The following ADGRF4 variants were observed in gnomAD, a reference collection of about 807,000 sequenced individuals.
The protein encoded by ADGRF4 is adhesion G protein-coupled receptor F4.
In ADGRF4, 63 loss-of-function variants were observed where a neutral mutation model predicts 58.5. That is an observed-to-expected ratio of 1.08 (90% CI 0.88 to 1.33). The LOEUF is 1.33. Ranked by LOEUF, ADGRF4 falls within the 40% of genes most tolerant of loss-of-function variation. The pLI is 0.00. For missense variants in ADGRF4, 931 were observed against 843.9 expected, an observed-to-expected ratio of 1.10 and a Z score of -1.28; for synonymous variants, 313 against 295.4, an observed-to-expected ratio of 1.06 and a Z score of -0.61.
Position 47,714,378 on chromosome 6 carries a change from G to A in ADGRF4, c.1133G>A (p.Cys378Tyr). Residue 378 changes from cysteine (C) to tyrosine (Y), a missense_variant, in exon 6 of 10, where the codon TGT becomes TAT. By Grantham distance (194) the Cys-to-Tyr change is radical. Transcript: ENST00000283303. ...LDIRNEVKCR[C>Y]NYTSVVMSFS... ...ATCAGGAACGAAGTGAAATGCCGCT[G>A]TAACTACACCAGTGTGGTGATGTCT... 1 of 1,614,198 alleles carries A rather than the reference G, an allele frequency of 6.2e-7. No individual in the cohort carries two copies. The highest frequency in any genetic ancestry group is 8.5e-7 in the Non-Finnish European group (1 of 1,180,028).
chr6:47,710,781 C>G lies in ADGRF4; in HGVS notation c.195C>G (p.Pro65=), dbSNP rs1468777097. The change falls in exon 4 of 10, where the codon CCC becomes CCG. Residue 65 remains proline, a synonymous_variant. Transcript: ENST00000283303. ...PCISSSNCSQ[P]CAKDFHGEIG... Reference sequence around the variant, plus strand: ...TTTCTTCTTCCAACTGCAGCCAGCCCTGTGCTAAGGACTTTCATGGAGAAA... The same window carrying G: ...TTTCTTCTTCCAACTGCAGCCAGCCGTGTGCTAAGGACTTTCATGGAGAAA... The G allele has an allele frequency of 1.2e-6, 2 of 1,612,714 alleles. No individual in the cohort carries two copies. The highest frequency in any genetic ancestry group is 2.7e-5 in the African/African-American group (2 of 74,902).
Position 47,707,342 on chromosome 6 carries a change from A to G in ADGRF4, c.93+4A>G. ...TAGATCCAAGATTCACCTAAAAGTAAGTTTGATCTATTCCTATGTGATCCG... is the reference window on the plus strand; with the variant it reads ...TAGATCCAAGATTCACCTAAAAGTAGGTTTGATCTATTCCTATGTGATCCG... On this transcript the variant is annotated splice_donor_region_variant and intron_variant, in intron 2 of 9. Transcript: ENST00000283303. 1.3e-6 allele frequency: 2 copies of G among 1,553,924 alleles called. No homozygotes were observed. Among genetic ancestry groups the G allele is most frequent in the Non-Finnish European group, 1.8e-6 (2 of 1,125,020 alleles).
chr6:47,706,208 G>T (rs999229391), intron 1 of ADGRF4, among the ~76,000 whole-genome samples: 3 of 152,162 alleles, frequency 2.0e-5, no homozygotes, highest in African/African-American at 4.8e-5. Context: ...CCATATGAAA[G>T]TGTCATAGTA....
intron 1 of ADGRF4, among the ~76,000 whole-genome samples, chr6:47,704,245 C>T (rs748100062): frequency 1.3e-5 from 2 of 151,950 alleles, no homozygotes; most frequent in African/African-American, 4.8e-5. Flanking sequence ...GGTTTCACCA[C>T]GTTGACCAGG....
At chr6:47,707,066 G>A (rs1771726216) in intron 1 of ADGRF4, among the ~76,000 whole-genome samples, 164 bp from the exon 2 acceptor site, 1 of 152,144 alleles carries the variant, frequency 6.6e-6, no homozygotes, top group African/African-American at 2.4e-5. Flanking sequence ...CATTTTAGCT[G>A]GCTTGAAAAT....
intron 1 of ADGRF4, among the ~76,000 whole-genome samples, chr6:47,704,323 ACCCGGCAGCAGGTGCT>A (rs1481394423): frequency 1.3e-5 from 2 of 151,812 alleles, no homozygotes; most frequent in Non-Finnish European, 2.9e-5. Context: ...GAGCCACTGC[ACCCGGCAGCAGGTGCT>A]ATTCTTTACA....
chr6:47,715,114 C>T lies in ADGRF4; in HGVS notation c.1869C>T (p.Ala623=). ...GACTGACCTGGGGTTTTGGAATAGC[C>T]ACTCTCATAGAAGGCACTTCCTTGA... is the stretch of plus-strand genomic sequence containing the variant. The part of the protein sequence containing the change: ...LLGLTWGFGI[A]TLIEGTSLTF... Residue 623 remains alanine, a synonymous_variant, in exon 6 of 10, where the codon GCC becomes GCT. Transcript: ENST00000283303. 1 of 1,605,858 alleles carries T rather than the reference C, an allele frequency of 6.2e-7. No homozygotes were observed.
chr6:47,700,695 T>C (rs1771570516), intron 1 of ADGRF4, among the ~76,000 whole-genome samples: 1 of 152,188 alleles, frequency 6.6e-6, no homozygotes, highest in African/African-American at 2.4e-5. Context: ...AGGTCCACAG[T>C]AGGACTGGCA....
At chr6:47,703,774 T>C (rs1184010890) in intron 1 of ADGRF4, among the ~76,000 whole-genome samples, 1 of 152,228 alleles carries the variant, frequency 6.6e-6, no homozygotes, top group Non-Finnish European at 1.5e-5. Flanking sequence ...TATGTACATA[T>C]ATGAAATGTA....
intron 3 of ADGRF4, among the ~76,000 whole-genome samples, chr6:47,708,821 A>G (rs995455170): frequency 6.6e-6 from 1 of 152,248 alleles, no homozygotes. Context: ...AATTATGGCC[A>G]GGTGGCAAAT....
At chr6:47,710,334 T>G (rs997511222) in intron 3 of ADGRF4, among the ~76,000 whole-genome samples, 1 of 152,196 alleles carries the variant, frequency 6.6e-6, no homozygotes, top group Non-Finnish European at 1.5e-5. Flanking sequence ...ACATAAAAGT[T>G]TATGGACTCC....
rs1280590143 is a variant in ADGRF4 at position 47,715,082 on chromosome 6, C to T, written c.1837C>T (p.Leu613=). The part of the protein sequence containing the change: ...ISKNVAILTP[L]LGLTWGFGIA... Reference sequence around the variant, plus strand: ...CAAAAATGTTGCCATCCTCACTCCACTGCTGGGACTGACCTGGGGTTTTGG... The same window carrying T: ...CAAAAATGTTGCCATCCTCACTCCATTGCTGGGACTGACCTGGGGTTTTGG... Residue 613 remains leucine (L), a synonymous_variant, in exon 6 of 10, where the codon CTG becomes TTG. Coordinates refer to ENST00000283303, the MANE Select transcript of ADGRF4 (RefSeq NM_153838.5). The T allele has an allele frequency of 6.2e-7, 1 of 1,612,520 alleles. No homozygotes were observed. The highest frequency in any genetic ancestry group is 8.5e-7 in the Non-Finnish European group (1 of 1,178,620).
rs1771846136 is a variant in ADGRF4, at chr6:47,710,887, G to T, written c.300+1G>T. 1 of 1,607,124 alleles carries T rather than the reference G, an allele frequency of 6.2e-7. No individual in the cohort carries two copies. Among genetic ancestry groups the T allele is most frequent in the Non-Finnish European group, 8.5e-7 (1 of 1,178,166 alleles). On this transcript the variant is annotated splice_donor_variant, in intron 4 of 9. Coordinates refer to ENST00000283303, the MANE Select transcript of ADGRF4 (RefSeq NM_153838.5). LOFTEE classifies it high-confidence loss of function. ...CCTTTCTGTGGAAAAACTCTTTAAG[G>T]TGATGCATTCACAAATTATTGGTGA...
chr6:47,715,343 G>T, intron 6 of ADGRF4, 166 bp downstream of exon 6: 1 of 578,698 alleles, frequency 1.7e-6, no homozygotes, highest in South Asian at 2.6e-5. Context: ...GTTGAATTTA[G>T]CTGACCAGGG....
In ADGRF4 at chr6:47,699,590, G is replaced by A. The variant is rs75349670; in HGVS notation, c.-17+796G>A. On this transcript the variant is annotated intron_variant, in intron 1 of 9. Coordinates refer to ENST00000283303, the MANE Select transcript of ADGRF4 (RefSeq NM_153838.5). The stretch of plus-strand genomic sequence containing the variant: ...ATCTGAATCCAGATTCCAATTTTTA[G>A]AAGAGATGCTGGGCTACAAACAGAT... Among the ~76,000 whole-genome samples, 660 of 152,266 alleles carry A rather than the reference G, an allele frequency of 4.3e-3. 3 individuals carry two copies. The highest frequency in any genetic ancestry group is 0.014 in the African/African-American group (575 of 41,568).
In ADGRF4 at chr6:47,708,275, C is replaced by T; in HGVS notation, c.145C>T (p.Gln49Ter). The change falls in exon 3 of 10, where the codon CAA (glutamine) becomes TAA (stop). Residue 49 changes from glutamine (Q) to a stop codon, truncating the protein, a stop_gained. Transcript: ENST00000283303. LOFTEE classifies it high-confidence loss of function. Reference sequence around the variant, plus strand: ...AGGGAAACCCAAGACTGGAAGGATCCAAGGTATGTGGCTATAGAACAGTCT... The same window carrying T: ...AGGGAAACCCAAGACTGGAAGGATCTAAGGTATGTGGCTATAGAACAGTCT... ...PEGKPKTGRI[Q>*]EKCEGPCISS... The T allele has an allele frequency of 6.2e-7, 1 of 1,607,670 alleles. No homozygotes were observed. Among genetic ancestry groups the T allele is most frequent in the Non-Finnish European group, 8.5e-7 (1 of 1,174,254 alleles).
At chr6:47,710,605 C>T in intron 3 of ADGRF4, 130 bp from the exon 4 acceptor site, 2 of 796,232 alleles carry the variant, frequency 2.5e-6, no homozygotes, top group South Asian at 3.6e-5. Context: ...TGCCGTGGAC[C>T]CAGTTCAACC....
intron 8 of ADGRF4, 71 bp from the exon 9 acceptor site, chr6:47,718,318 C>A (rs902713593): frequency 1.2e-6 from 1 of 831,254 alleles, no homozygotes; most frequent in Non-Finnish European, 2.1e-6. Flanking sequence ...ACATATTTAT[C>A]TCTAGAGAGG....
intron 1 of ADGRF4, among the ~76,000 whole-genome samples, chr6:47,699,219 A>G (rs1308047814): frequency 1.3e-5 from 2 of 152,242 alleles, no homozygotes; most frequent in Admixed American, 1.3e-4. Flanking sequence ...ATCAATTTAA[A>G]AAAACATTTC....
Sources: allele counts gnomAD v4.1 joint callset (sites outside exome capture counted in the v4.1 genomes callset), GRCh38; gene constraint gnomAD v4.1.1; transcripts MANE v1.5; gene names NCBI Gene and HGNC (gene_info 2026-07-23, HGNC 2026-07-21).